NALF1: variants seen among roughly 807,000 people sequenced by gnomAD.
NALF1 encodes NALCN channel auxiliary factor 1.
A neutral mutation model predicts 48.4 loss-of-function variants in NALF1; 3 were observed. That is an observed-to-expected ratio of 0.06 (90% confidence interval 0.03 to 0.16). The LOEUF (loss-of-function observed/expected upper bound fraction) is 0.16, where lower values mean the gene tolerates loss of function less well. NALF1 is among the 10% of genes least tolerant of loss of function. The pLI is 1.00. For synonymous variants in NALF1, 262 were observed against 245.7 expected (o/e 1.07, Z -0.62); for missense variants, 526 against 571.5 (o/e 0.92, Z 0.81).
At chr13:107,607,860 A>C (rs570574105) in intron 1 of NALF1, among the ~76,000 whole-genome samples, 1 of 152,296 alleles carries the variant, frequency 6.6e-6, no homozygotes, top group Admixed American at 6.5e-5. Context: ...AGCAGGGAAA[A>C]CCACACCTGT....
chr13:107,584,809 C>T (rs1316839168), intron 1 of NALF1, among the ~76,000 whole-genome samples: 1 of 152,152 alleles, frequency 6.6e-6, no homozygotes, highest in Admixed American at 6.5e-5. Flanking sequence ...GCCATATCTG[C>T]TCACACTTTC....
intron 1 of NALF1, among the ~76,000 whole-genome samples, chr13:107,615,118 T>C (rs1266738850): frequency 3.3e-5 from 5 of 152,198 alleles, no homozygotes; most frequent in African/African-American, 7.2e-5. Flanking sequence ...CATCTGAATA[T>C]GATGCCAACA....
chr13:107,596,602 A>G (rs1230837676), intron 1 of NALF1, among the ~76,000 whole-genome samples: 6 of 152,254 alleles, frequency 3.9e-5, no homozygotes, highest in East Asian at 1.9e-4. Context: ...GTTCTCACTC[A>G]TAAGTGGGAG....
intron 1 of NALF1, among the ~76,000 whole-genome samples, chr13:107,607,081 C>A (rs78556329): frequency 1.3e-5 from 2 of 152,026 alleles, no homozygotes; most frequent in African/African-American, 2.4e-5. Context: ...ATGGCAAAAC[C>A]GCAATTACCT....
At chr13:107,811,806 A>T (rs894751813) in intron 1 of NALF1, among the ~76,000 whole-genome samples, 26 of 152,158 alleles carry the variant, frequency 1.7e-4, no homozygotes, top group African/African-American at 6.3e-4. Context: ...TGATAATGAC[A>T]TTAATCCCTT....
intron 1 of NALF1, among the ~76,000 whole-genome samples, chr13:107,451,136 G>C (rs765830021): frequency 4.6e-5 from 7 of 152,190 alleles, no homozygotes; most frequent in Non-Finnish European, 1.0e-4. Flanking sequence ...AGCCGGGTCA[G>C]AGCTCTGTGG....
At chr13:107,796,550 T>A (rs557547253) in intron 1 of NALF1, among the ~76,000 whole-genome samples, 1 of 152,346 alleles carries the variant, frequency 6.6e-6, no homozygotes, top group South Asian at 2.1e-4. Flanking sequence ...TCTGTGAAAT[T>A]TGTATTTCTT....
intron 1 of NALF1, among the ~76,000 whole-genome samples, chr13:107,402,443 CT>C (rs1399227370): frequency 6.6e-6 from 1 of 152,166 alleles, no homozygotes; most frequent in Non-Finnish European, 1.5e-5. Flanking sequence ...CTTACTTAAG[CT>C]GGTCTAGGAC....
In NALF1 at chr13:107,302,326, G is replaced by A. The variant is rs1881853552; in HGVS notation, c.916-91571C>T. ...TAAATTACCCAGTTTCAAGTATTCT[G>A]TTATGAGCAACAGAAAACAGACTAA... On this transcript the variant is annotated intron_variant, in intron 1 of 2. Coordinates refer to ENST00000375915, the MANE Select transcript of NALF1 (RefSeq NM_001080396.3). Among the ~76,000 whole-genome samples, 7 of 152,138 alleles carry A rather than the reference G, an allele frequency of 4.6e-5. No individual in the cohort carries two copies. In the South Asian group the frequency reaches 1.5e-3, roughly 32 times the overall value.
intron 1 of NALF1, among the ~76,000 whole-genome samples, chr13:107,416,613 C>T (rs183160741): frequency 1.3e-5 from 2 of 151,852 alleles, no homozygotes; most frequent in East Asian, 3.9e-4. Context: ...ACATACAACA[C>T]ACAAAACATG....
intron 1 of NALF1, among the ~76,000 whole-genome samples, chr13:107,248,471 T>G (rs1880630498): frequency 6.6e-6 from 1 of 151,294 alleles, no homozygotes; most frequent in African/African-American, 2.4e-5. Context: ...TTGCAAAAAT[T>G]TAGCAAGTCA....
At chr13:107,577,935 AG>A (rs2138407662) in intron 1 of NALF1, among the ~76,000 whole-genome samples, 1 of 152,216 alleles carries the variant, frequency 6.6e-6, no homozygotes, top group African/African-American at 2.4e-5. Flanking sequence ...ATCATCAAGT[AG>A]CAGTTCTAAT....
chr13:107,233,797 C>T (rs914590451), intron 1 of NALF1, among the ~76,000 whole-genome samples: 5 of 152,084 alleles, frequency 3.3e-5, no homozygotes, highest in South Asian at 2.1e-4. Flanking sequence ...ACAGCGAGAG[C>T]GTGAGGGAGA....
Position 107,865,281 on chromosome 13 carries a change from G to A in NALF1, c.915+401C>T, listed in dbSNP as rs541545768. ...CAGATCTATATTGCAAACCACACAT[G>A]CCTGTCTCGAACTCTTCTGACTTTA... On this transcript the variant is annotated intron_variant, in intron 1 of 2. Transcript: ENST00000375915. Among the ~76,000 whole-genome samples the A allele has an allele frequency of 3.7e-4, 57 of 152,238 alleles. 1 individual carries two copies. The South Asian group carries it at 0.011, about 29-fold the overall frequency.
At chr13:107,722,868 C>T (rs574256307) in intron 1 of NALF1, among the ~76,000 whole-genome samples, 28 of 152,326 alleles carry the variant, frequency 1.8e-4, no homozygotes, top group African/African-American at 6.5e-4. Context: ...TTCCCTCTCA[C>T]CTGGGTCCCA....
chr13:107,559,664 C>G (rs867170973), intron 1 of NALF1, among the ~76,000 whole-genome samples: 5 of 152,076 alleles, frequency 3.3e-5, no homozygotes, highest in African/African-American at 9.7e-5. Context: ...GCTGTCAAGG[C>G]CATGTAACGA....
intron 1 of NALF1, among the ~76,000 whole-genome samples, chr13:107,817,908 T>C (rs908996365): frequency 3.3e-5 from 5 of 152,142 alleles, no homozygotes; most frequent in African/African-American, 1.2e-4. Context: ...TATCCATCCA[T>C]CCATCCACCT....
chr13:107,613,268 C>G (rs1215460692), intron 1 of NALF1, among the ~76,000 whole-genome samples: 1 of 152,184 alleles, frequency 6.6e-6, no homozygotes, highest in Non-Finnish European at 1.5e-5. Context: ...TATTAAGAGG[C>G]AACCAATGTC....
At chr13:107,647,819 T>C (rs1393725857) in intron 1 of NALF1, among the ~76,000 whole-genome samples, 1 of 152,144 alleles carries the variant, frequency 6.6e-6, no homozygotes, top group African/African-American at 2.4e-5. Context: ...ATTTTCCAAA[T>C]TTTAAGCCAT....
Sources: gnomAD v4.1 joint callset for allele counts (sites outside exome capture counted in the v4.1 genomes callset) on GRCh38, gnomAD v4.1.1 for gene constraint, MANE v1.5 for transcripts, NCBI Gene and HGNC (gene_info 2026-07-23, HGNC 2026-07-21) for gene names.